Variants in CLDN10 observed in about 807,000 individuals in gnomAD.
CLDN10 encodes the protein claudin-10.
In CLDN10, 15 loss-of-function variants were observed where a neutral mutation model predicts 22.9. The ratio of observed to expected loss-of-function variants is 0.65; its 90% CI spans 0.44 to 1.01. The LOEUF is 1.01. CLDN10 is among the 50% of genes least tolerant of loss of function. The pLI is 0.00. For missense variants in CLDN10, 247 were observed against 287.8 expected, an observed-to-expected ratio of 0.86 and a Z score of 1.03; for synonymous variants, 114 against 111.4, an observed-to-expected ratio of 1.02 and a Z score of -0.15.
chr13:95,520,879 C>T (rs1226880072), intron 1 of CLDN10, among the ~76,000 whole-genome samples: 1 of 151,720 alleles, frequency 6.6e-6, no homozygotes, highest in Non-Finnish European at 1.5e-5. Flanking sequence ...AGTTAGGAGG[C>T]TGAGGCAGGA....
chr13:95,523,508 A>G (rs2043243214), intron 1 of CLDN10, among the ~76,000 whole-genome samples: 1 of 152,202 alleles, frequency 6.6e-6, no homozygotes, highest in Admixed American at 6.5e-5. Flanking sequence ...TTTACCTGAA[A>G]AGATCAGGTA....
intron 1 of CLDN10, among the ~76,000 whole-genome samples, chr13:95,445,306 A>G (rs543775966): frequency 6.6e-6 from 1 of 152,372 alleles, no homozygotes; most frequent in East Asian, 1.9e-4. Context: ...AGACGTCGAT[A>G]ACAAAAGCTC....
At chr13:95,551,091 C>G (rs143207624), upstream of CLDN10, among the ~76,000 whole-genome samples, 1 of 152,006 alleles carries the variant, frequency 6.6e-6, no homozygotes, top group East Asian at 1.9e-4. Context: ...TGCATTGTCA[C>G]CCTTGTACCC....
intron 3 of CLDN10, chr13:95,561,049 CT>C (rs148787254): frequency 0.028 from 4,290 of 152,400 alleles, 82 homozygotes; most frequent in Middle Eastern, 0.044. Flanking sequence ...GATCAGTTTG[CT>C]TGTTGGTGTT....
intron 1 of CLDN10, among the ~76,000 whole-genome samples, chr13:95,499,885 A>G (rs1265526284): frequency 6.6e-6 from 1 of 152,218 alleles, no homozygotes; most frequent in Non-Finnish European, 1.5e-5. Context: ...TGGGCCACAC[A>G]TAAAATACAT....
intron 3 of CLDN10, among the ~76,000 whole-genome samples, chr13:95,567,017 A>T (rs976086435): frequency 6.6e-6 from 1 of 152,132 alleles, no homozygotes; most frequent in Non-Finnish European, 1.5e-5. Context: ...TGTTTTGGTT[A>T]CTGTAGCCTT....
chr13:95,550,543 T>A (rs142773282), upstream of CLDN10, among the ~76,000 whole-genome samples: 1 of 152,172 alleles, frequency 6.6e-6, no homozygotes, highest in Non-Finnish European at 1.5e-5. Flanking sequence ...GTATTAAATT[T>A]GTGTAATTTG....
intron 1 of CLDN10, among the ~76,000 whole-genome samples, chr13:95,556,347 A>G (rs766942020): frequency 5.3e-5 from 8 of 152,202 alleles, no homozygotes; most frequent in Non-Finnish European, 1.0e-4. Flanking sequence ...GCCCAGCCCT[A>G]AATTTCTTAT....
chr13:95,530,649 T>C (rs1249050345), intron 1 of CLDN10, among the ~76,000 whole-genome samples: 1 of 152,168 alleles, frequency 6.6e-6, no homozygotes, highest in East Asian at 1.9e-4. Context: ...ACCTGCTACA[T>C]AGACACTCAA....
intron 1 of CLDN10, among the ~76,000 whole-genome samples, chr13:95,507,432 G>A (rs927800499): frequency 2.0e-5 from 3 of 152,010 alleles, no homozygotes; most frequent in African/African-American, 7.2e-5. Context: ...CTCCTTTGTT[G>A]GTAATTATTT....
At chr13:95,465,175 A>G (rs2042572029) in intron 1 of CLDN10, among the ~76,000 whole-genome samples, 1 of 152,172 alleles carries the variant, frequency 6.6e-6, no homozygotes, top group Non-Finnish European at 1.5e-5. Context: ...GGCAGAAGCG[A>G]AAGTAGAAGC....
At chr13:95,467,521 G>GTTT (rs1555289387) in intron 1 of CLDN10, among the ~76,000 whole-genome samples, 10 of 143,350 alleles carry the variant, frequency 7.0e-5, no homozygotes, top group African/African-American at 2.5e-4. Flanking sequence ...TCCCTCTATT[G>GTTT]TTTTTTTTGG....
At chr13:95,483,787 T>A (rs1427357148) in intron 1 of CLDN10, among the ~76,000 whole-genome samples, 1 of 152,208 alleles carries the variant, frequency 6.6e-6, no homozygotes, top group Non-Finnish European at 1.5e-5. Context: ...CGATATGAGC[T>A]TCCCCAGGCA....
chr13:95,561,245 G>T (rs1320181148), intron 3 of CLDN10, among the ~76,000 whole-genome samples: 2 of 152,132 alleles, frequency 1.3e-5, no homozygotes, highest in African/African-American at 4.8e-5. Context: ...AATGAGGCTG[G>T]TAATTTTATT....
intron 1 of CLDN10, among the ~76,000 whole-genome samples, chr13:95,484,865 C>CAAAAAAA (rs746231195): frequency 3.2e-5 from 3 of 93,636 alleles, no homozygotes; most frequent in African/African-American, 7.6e-5. Flanking sequence ...GACCCTGTCT[C>CAAAAAAA]AAAAAAAAAA....
intron 1 of CLDN10, among the ~76,000 whole-genome samples, chr13:95,506,802 G>C (rs2043043275): frequency 6.6e-6 from 1 of 152,228 alleles, no homozygotes; most frequent in Non-Finnish European, 1.5e-5. Flanking sequence ...GGAGGGAAGA[G>C]GAGGGTTGCC....
intron 1 of CLDN10, among the ~76,000 whole-genome samples, chr13:95,554,363 G>A (rs1385947302): frequency 6.6e-6 from 1 of 152,146 alleles, no homozygotes; most frequent in African/African-American, 2.4e-5. Context: ...GTGCCAGATA[G>A]GTACGCTTCC....
At chr13:95,560,642 TAATTA>T in intron 3 of CLDN10, 179 bp downstream of exon 3, 1 of 599,630 alleles carries the variant, frequency 1.7e-6, no homozygotes, top group Non-Finnish European at 2.9e-6. Context: ...AATATGCATT[TAATTA>T]GTTTGCTAGT....
chr13:95,448,473 T>C (rs1476317176), intron 1 of CLDN10, among the ~76,000 whole-genome samples: 2 of 152,256 alleles, frequency 1.3e-5, no homozygotes, highest in South Asian at 2.1e-4. Context: ...GTCACACGCA[T>C]AGTCATCGGA....
Sources: gnomAD v4.1 joint callset for allele counts (sites outside exome capture counted in the v4.1 genomes callset) on GRCh38, gnomAD v4.1.1 for gene constraint, MANE v1.5 for transcripts, NCBI Gene and HGNC (gene_info 2026-07-23, HGNC 2026-07-21) for gene names.